ADIPOR2: variants seen among roughly 807,000 people sequenced by gnomAD.
ADIPOR2 encodes adiponectin receptor protein 2.
Under a neutral mutation model 40.9 loss-of-function variants are expected in ADIPOR2, and 18 were observed. That is an observed-to-expected ratio of 0.44 (90% CI 0.30 to 0.65). The LOEUF (loss-of-function observed/expected upper bound fraction) is 0.65. Ranked by LOEUF, ADIPOR2 falls within the 30% of genes least tolerant of loss-of-function variation. The probability of loss-of-function intolerance (pLI) is 0.09; values close to 1 mark genes in which losing one functional copy is unlikely to be tolerated. For missense variants in ADIPOR2, 283 were observed against 479.2 expected, an observed-to-expected ratio of 0.59 and a Z score of 3.82; for synonymous variants, 165 against 166.4, an observed-to-expected ratio of 0.99 and a Z score of 0.06.
chr12:1,770,424 A>G (rs1056580491), intron 2 of ADIPOR2, among the ~76,000 whole-genome samples: 13 of 152,384 alleles, frequency 8.5e-5, no homozygotes, highest in African/African-American at 3.1e-4. Context: ...AGAATCAAAT[A>G]CATGTTGAAT....
intron 1 of ADIPOR2, among the ~76,000 whole-genome samples, chr12:1,747,455 C>G (rs1226854723): frequency 6.6e-6 from 1 of 152,170 alleles, no homozygotes; most frequent in Non-Finnish European, 1.5e-5. Flanking sequence ...ATTGGCTTTT[C>G]AAAATCAGTT....
chr12:1,746,083 TATG>T (rs1341812717), intron 1 of ADIPOR2, among the ~76,000 whole-genome samples: 1 of 152,116 alleles, frequency 6.6e-6, no homozygotes, highest in Non-Finnish European at 1.5e-5. Context: ...ATCTAAAAAA[TATG>T]ATCTATTTTA....
chr12:1,695,021 T>G (rs1282389649), intron 1 of ADIPOR2, among the ~76,000 whole-genome samples: 4 of 125,602 alleles, frequency 3.2e-5, no homozygotes, highest in Non-Finnish European at 5.2e-5. Flanking sequence ...GTTTTTTTTT[T>G]TTTTTTGTTT....
At chr12:1,736,305 T>G (rs1262050896) in intron 1 of ADIPOR2, among the ~76,000 whole-genome samples, 2 of 152,238 alleles carry the variant, frequency 1.3e-5, no homozygotes, top group Admixed American at 1.3e-4. Flanking sequence ...ATTCAACTTC[T>G]TCCTGGTTTA....
At chr12:1,715,614 TAC>T (rs1444709456) in intron 1 of ADIPOR2, among the ~76,000 whole-genome samples, 1 of 152,164 alleles carries the variant, frequency 6.6e-6, no homozygotes, top group Non-Finnish European at 1.5e-5. Context: ...GCCCCTTCTT[TAC>T]CCCTATCCAG....
chr12:1,706,009 T>C (rs891568984), intron 1 of ADIPOR2, among the ~76,000 whole-genome samples: 39 of 152,182 alleles, frequency 2.6e-4, no homozygotes, highest in African/African-American at 9.4e-4. Context: ...AGGTGAAGGG[T>C]CAACTACTGG....
intron 1 of ADIPOR2, among the ~76,000 whole-genome samples, chr12:1,730,330 T>G (rs956504061): frequency 3.3e-5 from 5 of 151,860 alleles, no homozygotes; most frequent in African/African-American, 1.2e-4. Context: ...TTGAAACAGT[T>G]GTTCAGGCCG....
At chr12:1,702,218 G>T (rs1417401441) in intron 1 of ADIPOR2, among the ~76,000 whole-genome samples, 2 of 152,174 alleles carry the variant, frequency 1.3e-5, no homozygotes, top group African/African-American at 4.8e-5. Context: ...AGGTTGTATT[G>T]CAAACAATAA....
chr12:1,777,387 T>C (rs1485475522), intron 3 of ADIPOR2, among the ~76,000 whole-genome samples: 59 of 144,930 alleles, frequency 4.1e-4, no homozygotes, highest in African/African-American at 9.8e-4. Context: ...TCTTTCTTTT[T>C]TTTTTTTTTT....
chr12:1,763,271 A>G lies in ADIPOR2; in HGVS notation c.171+8757A>G, dbSNP rs146060416. 1.6e-4 allele frequency among the ~76,000 whole-genome samples: 24 copies of G among 152,350 alleles called. No homozygotes were observed. In the East Asian group the frequency reaches 4.2e-3, roughly 27 times the overall value. Reference sequence around the variant, plus strand: ...GAGGCACACTTAATGATGGAGAGCCAGTGATCACAGTTTTCTTTTCATAAT... The same window carrying G: ...GAGGCACACTTAATGATGGAGAGCCGGTGATCACAGTTTTCTTTTCATAAT... On this transcript the variant is annotated intron_variant, in intron 2 of 7. Coordinates refer to ENST00000357103, the MANE Select transcript of ADIPOR2 (RefSeq NM_024551.3).
At chr12:1,764,919 AATTTTT>A (rs1274082006) in intron 2 of ADIPOR2, among the ~76,000 whole-genome samples, 2 of 152,140 alleles carry the variant, frequency 1.3e-5, no homozygotes, top group African/African-American at 4.8e-5. Context: ...TTACTGTACC[AATTTTT>A]ATTTTATTTA....
At chr12:1,692,475 G>GA in intron 1 of ADIPOR2, among the ~76,000 whole-genome samples, 1 of 152,114 alleles carries the variant, frequency 6.6e-6, no homozygotes, top group Non-Finnish European at 1.5e-5. Context: ...TATGAAATTT[G>GA]AAAAAATTGC....
At chr12:1,785,791 C>T (rs1309715592) in intron 7 of ADIPOR2, among the ~76,000 whole-genome samples, 153 bp from the exon 8 acceptor site, 1 of 152,228 alleles carries the variant, frequency 6.6e-6, no homozygotes, top group Non-Finnish European at 1.5e-5. Context: ...ATGGATGTTC[C>T]AGGATCTGTG....
At chr12:1,691,741 C>G (rs768486241) in intron 1 of ADIPOR2, among the ~76,000 whole-genome samples, 1 of 152,110 alleles carries the variant, frequency 6.6e-6, no homozygotes, top group Non-Finnish European at 1.5e-5. Context: ...TTCCCAAGCC[C>G]CCGTCCGTCA....
intron 1 of ADIPOR2, 74 bp from the exon 2 acceptor site, chr12:1,754,184 G>T: frequency 3.6e-6 from 2 of 558,690 alleles, no homozygotes; most frequent in Non-Finnish European, 2.9e-6. Flanking sequence ...CTGTCGTTTG[G>T]ATATGTGATA....
intron 7 of ADIPOR2, among the ~76,000 whole-genome samples, chr12:1,785,427 C>G (rs1273173236): frequency 6.6e-6 from 1 of 152,188 alleles, no homozygotes; most frequent in Non-Finnish European, 1.5e-5. Flanking sequence ...TATGTTGTGA[C>G]ATTCCACACA....
At position 1,709,383 on chromosome 12, in the gene ADIPOR2, A is replaced by AT. The variant is rs201313728; in HGVS notation, c.-87+18198dup. Among the ~76,000 whole-genome samples, 160 of 152,052 alleles carry AT rather than the reference A, an allele frequency of 1.1e-3. 1 individual carries two copies. In the East Asian group the frequency reaches 0.02, roughly 19 times the overall value. On this transcript the variant is annotated intron_variant, in intron 1 of 7. Coordinates refer to ENST00000357103, the MANE Select transcript of ADIPOR2 (RefSeq NM_024551.3). ...TACATGGGAATTTTTTTAAAGTTTCATTTTTTCCAATTTGGTGCTAGTATG... is the reference window on the plus strand; with the variant it reads ...TACATGGGAATTTTTTTAAAGTTTCATTTTTTTCCAATTTGGTGCTAGTATG...
chr12:1,734,618 A>G (rs1387931139), intron 1 of ADIPOR2, among the ~76,000 whole-genome samples: 3 of 152,200 alleles, frequency 2.0e-5, no homozygotes, highest in Admixed American at 1.3e-4. Context: ...TAGTTTAATT[A>G]GATCCCATTT....
intron 1 of ADIPOR2, among the ~76,000 whole-genome samples, chr12:1,740,580 G>T (rs1272864138): frequency 2.6e-5 from 4 of 152,144 alleles, no homozygotes; most frequent in Non-Finnish European, 5.9e-5. Context: ...AAAGTACTGG[G>T]GGTTAGGACT....
Sources: allele counts gnomAD v4.1 joint callset (sites outside exome capture counted in the v4.1 genomes callset), GRCh38; gene constraint gnomAD v4.1.1; transcripts MANE v1.5; gene names NCBI Gene and HGNC (gene_info 2026-07-23, HGNC 2026-07-21).